Variants in WDPCP observed in about 807,000 individuals in gnomAD.
WDPCP encodes WD repeat containing planar cell polarity effector.
WDPCP carries 71 observed loss-of-function variants against 93.1 expected under a neutral mutation model. The ratio of observed to expected loss-of-function variants is 0.76; its 90% CI spans 0.63 to 0.93. The LOEUF is 0.93. WDPCP is among the 40% of genes least tolerant of loss of function. The pLI is 0.00. For missense variants in WDPCP, 844 were observed against 887.4 expected (o/e 0.95, Z 0.62); for synonymous variants, 315 against 315.0 (o/e 1.00, Z 0.00).
At chr2:63,469,407 T>C (rs1476003661) in intron 6 of WDPCP, among the ~76,000 whole-genome samples, 2 of 152,214 alleles carry the variant, frequency 1.3e-5, no homozygotes, top group South Asian at 2.1e-4. Context: ...CATATATTCA[T>C]TGCAGCACTA....
At chr2:63,317,435 C>CA (rs894894222) in intron 12 of WDPCP, among the ~76,000 whole-genome samples, 2 of 149,264 alleles carry the variant, frequency 1.3e-5, no homozygotes, top group African/African-American at 4.9e-5. Flanking sequence ...TATATGGAAC[C>CA]AAAAAAAGCC....
intron 2 of WDPCP, among the ~76,000 whole-genome samples, chr2:63,811,851 A>G (rs1670867576): frequency 6.6e-6 from 1 of 152,056 alleles, no homozygotes; most frequent in South Asian, 2.1e-4. Flanking sequence ...ACAAGTAAGA[A>G]CATACAGTAT....
chr2:63,698,113 G>C (rs1036960501), intron 2 of WDPCP, among the ~76,000 whole-genome samples: 1 of 152,014 alleles, frequency 6.6e-6, no homozygotes, highest in East Asian at 1.9e-4. Flanking sequence ...GCAGCACCAT[G>C]CCTGGCTAAT....
At chr2:63,160,496 T>A (rs1170245605) in intron 15 of WDPCP, among the ~76,000 whole-genome samples, 1 of 152,174 alleles carries the variant, frequency 6.6e-6, no homozygotes, top group Non-Finnish European at 1.5e-5. Flanking sequence ...TTAAAATACA[T>A]CAAATGATAT....
chr2:63,763,650 G>A (rs1048190211), intron 2 of WDPCP, among the ~76,000 whole-genome samples: 37 of 151,962 alleles, frequency 2.4e-4, no homozygotes, highest in African/African-American at 7.0e-4. Context: ...TCATATATTC[G>A]GAAATGTAGC....
intron 14 of WDPCP, among the ~76,000 whole-genome samples, chr2:63,238,618 T>C (rs941237412): frequency 6.6e-6 from 1 of 152,158 alleles, no homozygotes; most frequent in African/African-American, 2.4e-5. Context: ...TATATTTCTA[T>C]TGGACATCAT....
At chr2:63,590,442 T>C (rs1709169340), upstream of WDPCP, 2 of 152,210 alleles carry the variant, frequency 1.3e-5, no homozygotes, top group Non-Finnish European at 2.9e-5. Context: ...GGAGAGACAG[T>C]GTACTCAACT....
At chr2:63,831,709 T>C (rs1428500792), upstream of WDPCP, among the ~76,000 whole-genome samples, 2 of 152,056 alleles carry the variant, frequency 1.3e-5, no homozygotes, top group Non-Finnish European at 2.9e-5. Context: ...ATAGTGAATA[T>C]CAAAAGCAAT....
chr2:63,266,345 A>G (rs1355086359), intron 13 of WDPCP, among the ~76,000 whole-genome samples: 1 of 152,204 alleles, frequency 6.6e-6, no homozygotes, highest in Non-Finnish European at 1.5e-5. Context: ...TGCAGGTTAT[A>G]AAATCAACAT....
chr2:63,123,725 T>A (rs1191114195), intron 17 of WDPCP, among the ~76,000 whole-genome samples: 1 of 151,926 alleles, frequency 6.6e-6, no homozygotes, highest in Non-Finnish European at 1.5e-5. Flanking sequence ...AACATAATCA[T>A]TAAATAAAAT....
chr2:63,343,938 A>G (rs1689020170), intron 12 of WDPCP, among the ~76,000 whole-genome samples: 1 of 152,072 alleles, frequency 6.6e-6, no homozygotes, highest in Non-Finnish European at 1.5e-5. Context: ...CCCTTAGTTT[A>G]CTGTCCATGG....
chr2:63,534,319 C>T (rs1704096437), intron 1 of WDPCP, among the ~76,000 whole-genome samples: 1 of 152,156 alleles, frequency 6.6e-6, no homozygotes, highest in South Asian at 2.1e-4. Context: ...GAAACTATTC[C>T]AATCAATAGA....
intron 6 of WDPCP, among the ~76,000 whole-genome samples, chr2:63,467,465 C>A (rs1699415596): frequency 6.6e-6 from 1 of 150,624 alleles, no homozygotes; most frequent in Admixed American, 6.6e-5. Flanking sequence ...GAGGGAGACC[C>A]CATCTCAAAA....
intron 2 of WDPCP, among the ~76,000 whole-genome samples, chr2:63,713,018 C>T (rs961679760): frequency 2.0e-5 from 3 of 152,146 alleles, no homozygotes; most frequent in Non-Finnish European, 4.4e-5. Flanking sequence ...TCTCTGGCAA[C>T]GCTGCCACTC....
At chr2:63,525,529 A>G (rs1558754493) in intron 1 of WDPCP, among the ~76,000 whole-genome samples, 1 of 152,120 alleles carries the variant, frequency 6.6e-6, no homozygotes, top group African/African-American at 2.4e-5. Flanking sequence ...GTATTCTTCT[A>G]TTCTTTAAAT....
At chr2:63,125,259 T>A (rs1419786532) in intron 17 of WDPCP, among the ~76,000 whole-genome samples, 1 of 152,228 alleles carries the variant, frequency 6.6e-6, no homozygotes, top group Non-Finnish European at 1.5e-5. Flanking sequence ...ATAGATAAGC[T>A]AACTAACTTT....
chr2:63,153,422 T>C (rs1672012301), intron 16 of WDPCP, 73 bp downstream of exon 16: 8 of 1,162,398 alleles, frequency 6.9e-6, no homozygotes, highest in Non-Finnish European at 1.0e-5. Context: ...ATTAATTTAC[T>C]GAAAGTTCTT....
chr2:63,711,515 G>C (rs943523407), intron 2 of WDPCP: 1 of 152,218 alleles, frequency 6.6e-6, no homozygotes, highest in Admixed American at 6.5e-5. Context: ...CCAGAACTTT[G>C]AGAGGCCAAG....
At chr2:63,327,182 C>G (rs569117527) in intron 12 of WDPCP, among the ~76,000 whole-genome samples, 1 of 152,288 alleles carries the variant, frequency 6.6e-6, no homozygotes, top group African/African-American at 2.4e-5. Flanking sequence ...GATAAGGAAA[C>G]TCTTGTAGAA....
Sources: allele counts gnomAD v4.1 joint callset (sites outside exome capture counted in the v4.1 genomes callset), GRCh38; gene constraint gnomAD v4.1.1; transcripts MANE v1.5; gene names NCBI Gene and HGNC (gene_info 2026-07-23, HGNC 2026-07-21).